PHF21A: variants seen among roughly 807,000 people sequenced by gnomAD.
PHF21A encodes the protein PHD finger protein 21A, also known as BHC80a.
In PHF21A, 11 loss-of-function variants were observed where a neutral mutation model predicts 82.5. The observed-to-expected ratio is 0.13, with a 90% CI of 0.08 to 0.22. The LOEUF is 0.22. PHF21A is among the 10% of genes least tolerant of loss of function. PHF21A has a pLI of 1.00. For missense variants in PHF21A, 579 were observed against 837.8 expected, an observed-to-expected ratio of 0.69 and a Z score of 3.81; for synonymous variants, 297 against 302.8, an observed-to-expected ratio of 0.98 and a Z score of 0.20.
intron 14 of PHF21A, 43 bp downstream of exon 14, chr11:45,948,843 C>T (rs536209924): frequency 3.4e-5 from 50 of 1,474,518 alleles, no homozygotes; most frequent in Non-Finnish European, 4.8e-5. Flanking sequence ...ACACACAAAG[C>T]AAAAGCAACA....
At chr11:46,006,932 A>G (rs564939368) in intron 6 of PHF21A, among the ~76,000 whole-genome samples, 44 of 152,382 alleles carry the variant, frequency 2.9e-4, no homozygotes, top group African/African-American at 1.1e-3. Flanking sequence ...AACAACAGTC[A>G]GTAAAATTTA....
intron 6 of PHF21A, among the ~76,000 whole-genome samples, chr11:46,047,123 G>A (rs532734007): frequency 9.8e-5 from 15 of 152,314 alleles, no homozygotes; most frequent in African/African-American, 3.4e-4. Flanking sequence ...ACAAATTAAT[G>A]AGCAATTGGT....
intron 6 of PHF21A, among the ~76,000 whole-genome samples, chr11:46,013,199 TATA>T (rs2095444910): frequency 6.6e-6 from 1 of 152,158 alleles, no homozygotes; most frequent in Non-Finnish European, 1.5e-5. Context: ...TATTATATAC[TATA>T]ATAATGTGAG....
intron 3 of PHF21A, among the ~76,000 whole-genome samples, chr11:46,085,620 T>C (rs1480123605): frequency 1.3e-5 from 2 of 152,200 alleles, no homozygotes; most frequent in East Asian, 3.8e-4. Context: ...TTAGCATTCA[T>C]ATAAATTGGG....
chr11:45,982,823 TA>T (rs1330350501), intron 6 of PHF21A, among the ~76,000 whole-genome samples: 2 of 150,398 alleles, frequency 1.3e-5, no homozygotes, highest in Non-Finnish European at 3.0e-5. Context: ...AAGAAGGAGA[TA>T]AATCAGGAGG....
chr11:46,005,193 T>C (rs529013494), intron 6 of PHF21A, among the ~76,000 whole-genome samples: 1 of 152,158 alleles, frequency 6.6e-6, no homozygotes, highest in Admixed American at 6.5e-5. Flanking sequence ...CCAAAACTTT[T>C]TGAGCACTGA....
rs1395045819 is a variant in PHF21A at position 45,931,657 on chromosome 11, G to T, written c.*2311C>A. On this transcript the variant is annotated 3_prime_UTR_variant, in exon 19 of 19. Transcript: ENST00000676320. ...TCTCTCTGGGCCTAATTGGGTGGGA[G>T]AGAAGCTGATAGGATCGTTTCTACC... 2 of 152,276 alleles carry T rather than the reference G, an allele frequency of 1.3e-5. No individual in the cohort carries two copies. Among genetic ancestry groups the T allele is most frequent in the East Asian group, 3.8e-4 (2 of 5,202 alleles). The allele number at this position is 152,276 out of a possible 1,614,324, so 9.4% of individuals were successfully genotyped here. A position where few individuals can be genotyped will look rare whatever the true frequency, so the allele number is the denominator to read the frequency against.
chr11:45,982,629 G>A (rs2094344525), intron 6 of PHF21A, among the ~76,000 whole-genome samples: 1 of 152,132 alleles, frequency 6.6e-6, no homozygotes, highest in South Asian at 2.1e-4. Flanking sequence ...CTTGGTGACT[G>A]CTAGAACATT....
chr11:46,003,412 GA>G (rs917232490), intron 6 of PHF21A, among the ~76,000 whole-genome samples: 4 of 151,534 alleles, frequency 2.6e-5, no homozygotes, highest in Non-Finnish European at 5.9e-5. Flanking sequence ...ACTGCTAAAA[GA>G]AAAAAATATT....
At chr11:46,024,591 G>A (rs1257144402) in intron 6 of PHF21A, among the ~76,000 whole-genome samples, 1 of 152,108 alleles carries the variant, frequency 6.6e-6, no homozygotes, top group Non-Finnish European at 1.5e-5. Flanking sequence ...CTTGAGGTCA[G>A]GAGTTCAAGA....
At chr11:46,087,818 C>T (rs1450175010) in intron 3 of PHF21A, among the ~76,000 whole-genome samples, 6 of 152,268 alleles carry the variant, frequency 3.9e-5, no homozygotes, top group South Asian at 4.1e-4. Context: ...TGCAGTGGTG[C>T]GATCACGGCT....
chr11:46,065,176 G>A (rs3929339), intron 6 of PHF21A, among the ~76,000 whole-genome samples: 114,303 of 152,102 alleles, frequency 0.75, 45,303 homozygotes, highest in Non-Finnish European at 0.9. Flanking sequence ...TGCTCAAGGA[G>A]AAAATCTCCA....
At chr11:45,967,998 C>T (rs186244319) in intron 9 of PHF21A, among the ~76,000 whole-genome samples, 1 of 152,236 alleles carries the variant, frequency 6.6e-6, no homozygotes, top group East Asian at 1.9e-4. Flanking sequence ...GGGTCATGAT[C>T]CACTGTTTGA....
intron 6 of PHF21A, among the ~76,000 whole-genome samples, chr11:46,076,110 T>C (rs768123939): frequency 6.6e-6 from 1 of 152,240 alleles, no homozygotes; most frequent in Non-Finnish European, 1.5e-5. Flanking sequence ...ACACTCCACC[T>C]GGTGGCAGGC....
At chr11:46,089,914 A>G (rs2096904564) in intron 3 of PHF21A, among the ~76,000 whole-genome samples, 1 of 151,906 alleles carries the variant, frequency 6.6e-6, no homozygotes, top group South Asian at 2.1e-4. Context: ...AGGGTTCCCC[A>G]TAGCACCCTC....
At chr11:45,950,449 T>C (rs781064263) in intron 11 of PHF21A, among the ~76,000 whole-genome samples, 192 bp from the exon 12 acceptor site, 1 of 151,926 alleles carries the variant, frequency 6.6e-6, no homozygotes, top group Non-Finnish European at 1.5e-5. Context: ...CTTCCTTCAA[T>C]GTGGGCCACA....
intron 7 of PHF21A, among the ~76,000 whole-genome samples, chr11:45,972,733 G>A (rs1206043891): frequency 6.6e-6 from 1 of 152,176 alleles, no homozygotes; most frequent in Non-Finnish European, 1.5e-5. Flanking sequence ...GGCCAACATG[G>A]TGAAACCCCA....
chr11:46,032,891 T>C (rs2095896812), intron 6 of PHF21A, among the ~76,000 whole-genome samples: 1 of 152,214 alleles, frequency 6.6e-6, no homozygotes, highest in Admixed American at 6.5e-5. Flanking sequence ...TGAATGTACA[T>C]ATGAATGTAT....
At chr11:46,091,440 T>C (rs921227698) in intron 2 of PHF21A, among the ~76,000 whole-genome samples, 1 of 152,218 alleles carries the variant, frequency 6.6e-6, no homozygotes, top group African/African-American at 2.4e-5. Flanking sequence ...AAGTAGATAT[T>C]AGGAAAAAAT....
Sources: allele counts gnomAD v4.1 joint callset (sites outside exome capture counted in the v4.1 genomes callset), GRCh38; gene constraint gnomAD v4.1.1; transcripts MANE v1.5; gene names NCBI Gene and HGNC (gene_info 2026-07-23, HGNC 2026-07-21).